The following FAM78B variants were observed in gnomAD, a reference collection of about 807,000 sequenced individuals.
FAM78B encodes the protein protein FAM78B.
In FAM78B, 10 loss-of-function variants were observed where a neutral mutation model predicts 20.0. The ratio of observed to expected loss-of-function variants is 0.50; its 90% confidence interval spans 0.31 to 0.85. FAM78B has a LOEUF of 0.85. Ranked by LOEUF, FAM78B falls within the 40% of genes least tolerant of loss-of-function variation. FAM78B has a pLI of 0.05. For synonymous variants in FAM78B, 135 were observed against 132.8 expected (o/e 1.02, Z -0.12); for missense variants, 283 against 345.0 (o/e 0.82, Z 1.42).
intron 1 of FAM78B, among the ~76,000 whole-genome samples, chr1:166,106,461 T>C (rs748494100): frequency 6.8e-6 from 1 of 147,360 alleles, no homozygotes; most frequent in Non-Finnish European, 1.5e-5. Context: ...AAAAAGAAAA[T>C]ATAGTACACA....
intron 1 of FAM78B, among the ~76,000 whole-genome samples, chr1:166,076,598 G>A (rs757554973): frequency 1.3e-5 from 2 of 151,994 alleles, no homozygotes; most frequent in African/African-American, 4.8e-5. Context: ...TTTTGCTAAC[G>A]GTCTGTCTCC....
chr1:166,164,180 T>A (rs1324725144), intron 1 of FAM78B, among the ~76,000 whole-genome samples: 1 of 152,246 alleles, frequency 6.6e-6, no homozygotes, highest in Non-Finnish European at 1.5e-5. Flanking sequence ...CGCTGTGCAG[T>A]CTTGGGAAAA....
chr1:166,147,107 C>G (rs1571203993), intron 1 of FAM78B, among the ~76,000 whole-genome samples: 1 of 152,036 alleles, frequency 6.6e-6, no homozygotes, highest in Non-Finnish European at 1.5e-5. Context: ...AGAGCCTTAC[C>G]CTAGGAGAGG....
At chr1:166,146,858 G>A (rs1242658196) in intron 1 of FAM78B, among the ~76,000 whole-genome samples, 2 of 152,180 alleles carry the variant, frequency 1.3e-5, no homozygotes, top group East Asian at 3.9e-4. Flanking sequence ...CTCTTTGCAA[G>A]CTTCAGATCA....
At chr1:166,079,886 G>A (rs962856429) in intron 1 of FAM78B, among the ~76,000 whole-genome samples, 1 of 152,176 alleles carries the variant, frequency 6.6e-6, no homozygotes, top group Non-Finnish European at 1.5e-5. Flanking sequence ...TAGATGCACA[G>A]TTCTGGAACC....
chr1:166,078,253 T>C (rs190836591), intron 1 of FAM78B, among the ~76,000 whole-genome samples: 1 of 152,024 alleles, frequency 6.6e-6, no homozygotes, highest in African/African-American at 2.4e-5. Context: ...GATGGTCTCA[T>C]CTCCTGACCT....
At chr1:166,141,208 G>A (rs1013285120) in intron 1 of FAM78B, among the ~76,000 whole-genome samples, 2 of 152,204 alleles carry the variant, frequency 1.3e-5, no homozygotes, top group African/African-American at 4.8e-5. Context: ...ACAGCAATGT[G>A]CAACGTACAT....
chr1:166,119,102 A>T (rs1654370129), intron 1 of FAM78B, among the ~76,000 whole-genome samples: 1 of 152,152 alleles, frequency 6.6e-6, no homozygotes, highest in African/African-American at 2.4e-5. Context: ...TGGAAGGCAG[A>T]GAGAGCTTCT....
At chr1:166,159,252 A>G (rs1030636576) in intron 1 of FAM78B, among the ~76,000 whole-genome samples, 1 of 152,116 alleles carries the variant, frequency 6.6e-6, no homozygotes, top group African/African-American at 2.4e-5. Flanking sequence ...GTATATAGAA[A>G]GCCAGGACAC....
In FAM78B at chr1:166,140,158, C is replaced by T. The variant is rs73046920; in HGVS notation, c.263+25828G>A. Among the ~76,000 whole-genome samples the T allele has an allele frequency of 9.0e-3, 1,377 of 152,340 alleles. 17 individuals carry two copies. The highest frequency in any genetic ancestry group is 0.032 in the African/African-American group (1,323 of 41,578). On this transcript the variant is annotated intron_variant, in intron 1 of 1. Coordinates refer to ENST00000354422, the MANE Select transcript of FAM78B (RefSeq NM_001017961.5). ...AACAGTGGCCTGGACATTCCAGGAG[C>T]AGTAGCGTTGCTCTCTACCCCAGCA... is the stretch of plus-strand genomic sequence containing the variant.
chr1:166,068,067 T>G (rs1330556434), downstream of FAM78B, among the ~76,000 whole-genome samples: 1 of 152,240 alleles, frequency 6.6e-6, no homozygotes, highest in African/African-American at 2.4e-5. Flanking sequence ...TTTTGTAATG[T>G]AAATTCTAAT....
In FAM78B at chr1:166,070,605, TTG is replaced by T; in HGVS notation, c.420_421del (p.Asp140GlufsTer14). The T allele has an allele frequency of 6.2e-7, 1 of 1,613,734 alleles. No individual in the cohort carries two copies. The highest frequency in any genetic ancestry group is 8.5e-7 in the Non-Finnish European group (1 of 1,180,010). On this transcript the variant is annotated frameshift_variant, in exon 2 of 2. Transcript: ENST00000354422. LOFTEE classifies it high-confidence loss of function. ...TGCCCATGTCACACTGGGGTAGAAG[TTG>T]TCATTCATGCTGACGGAGAACCTGG...
intron 1 of FAM78B, among the ~76,000 whole-genome samples, chr1:166,146,320 A>T (rs993389442): frequency 2.0e-5 from 3 of 152,156 alleles, no homozygotes; most frequent in African/African-American, 7.2e-5. Flanking sequence ...TATTTAGGAT[A>T]CTTTCTGAGA....
intron 1 of FAM78B, among the ~76,000 whole-genome samples, chr1:166,154,133 G>A (rs1359883720): frequency 6.6e-6 from 1 of 152,178 alleles, no homozygotes; most frequent in Non-Finnish European, 1.5e-5. Flanking sequence ...TGTCAGGGGA[G>A]GGCCCCTGGC....
At chr1:166,126,453 T>TA (rs1553221750) in intron 1 of FAM78B, among the ~76,000 whole-genome samples, 1 of 151,888 alleles carries the variant, frequency 6.6e-6, no homozygotes, top group Non-Finnish European at 1.5e-5. Flanking sequence ...GTAGAGCAGG[T>TA]AAAAGAGACT....
chr1:166,156,083 G>A (rs1342777400), intron 1 of FAM78B, among the ~76,000 whole-genome samples: 1 of 152,234 alleles, frequency 6.6e-6, no homozygotes, highest in Non-Finnish European at 1.5e-5. Context: ...CTGAGAGCCT[G>A]TGCCGGACAC....
downstream of FAM78B, among the ~76,000 whole-genome samples, chr1:166,068,580 A>G (rs1390807663): frequency 2.6e-5 from 4 of 152,338 alleles, no homozygotes; most frequent in East Asian, 7.7e-4. Context: ...ATTTTTAATA[A>G]AAGTAATAAA....
At chr1:166,140,895 T>A (rs1655252425) in intron 1 of FAM78B, among the ~76,000 whole-genome samples, 1 of 152,148 alleles carries the variant, frequency 6.6e-6, no homozygotes, top group Non-Finnish European at 1.5e-5. Context: ...AACAACCCTG[T>A]GAGGCAGGTA....
chr1:166,088,706 G>C (rs1652941089), intron 1 of FAM78B, among the ~76,000 whole-genome samples: 1 of 152,102 alleles, frequency 6.6e-6, no homozygotes, highest in Admixed American at 6.5e-5. Flanking sequence ...GACTGTTCCA[G>C]CCTGCCTGAC....
Sources: allele counts gnomAD v4.1 joint callset (sites outside exome capture counted in the v4.1 genomes callset), GRCh38; gene constraint gnomAD v4.1.1; transcripts MANE v1.5; gene names NCBI Gene and HGNC (gene_info 2026-07-23, HGNC 2026-07-21).